The following WWP1 variants were observed in gnomAD, a reference collection of about 807,000 sequenced individuals.
WWP1 encodes NEDD4-like E3 ubiquitin-protein ligase WWP1.
A neutral mutation model predicts 130.6 loss-of-function variants in WWP1; 49 were observed. That is an observed-to-expected ratio of 0.38 (90% CI 0.30 to 0.48). WWP1 has a LOEUF of 0.48. Ranked by LOEUF, WWP1 falls within the 20% of genes least tolerant of loss-of-function variation. The probability of loss-of-function intolerance (pLI) is 0.99; values close to 1 mark genes in which losing one functional copy is unlikely to be tolerated. For synonymous variants in WWP1, 332 were observed against 367.8 expected, an observed-to-expected ratio of 0.90 and a Z score of 1.11; for missense variants, 809 against 1,100.6, an observed-to-expected ratio of 0.74 and a Z score of 3.75.
At chr8:86,434,657 C>T (rs1042133707) in intron 14 of WWP1, among the ~76,000 whole-genome samples, 56 of 151,796 alleles carry the variant, frequency 3.7e-4, no homozygotes, top group Admixed American at 9.8e-4. Flanking sequence ...ATTTTTTTGT[C>T]TTATCTCCTT....
At chr8:86,392,140 CA>C (rs1326578068) in intron 5 of WWP1, among the ~76,000 whole-genome samples, 1 of 152,040 alleles carries the variant, frequency 6.6e-6, no homozygotes, top group East Asian at 1.9e-4. Flanking sequence ...AGTGTGTGTG[CA>C]ATGGTGGTAG....
At chr8:86,450,538 C>G (rs993751884) in intron 20 of WWP1, among the ~76,000 whole-genome samples, 1 of 152,104 alleles carries the variant, frequency 6.6e-6, no homozygotes, top group African/African-American at 2.4e-5. Flanking sequence ...CAAAAACAGT[C>G]TAAATAAAAT....
At chr8:86,398,706 A>G (rs1807810976) in intron 7 of WWP1, 68 bp downstream of exon 7, 1 of 1,538,186 alleles carries the variant, frequency 6.5e-7, no homozygotes, top group Non-Finnish European at 8.9e-7. Context: ...AAGAAGTTTT[A>G]TATTTTACCT....
chr8:86,343,909 T>C (rs1358996850), intron 1 of WWP1, among the ~76,000 whole-genome samples: 2 of 152,186 alleles, frequency 1.3e-5, no homozygotes, highest in Non-Finnish European at 2.9e-5. Context: ...ATTATCTTTG[T>C]TTTCCCCGTT....
At chr8:86,361,856 C>T (rs1022316943) in intron 1 of WWP1, among the ~76,000 whole-genome samples, 3 of 151,668 alleles carry the variant, frequency 2.0e-5, no homozygotes, top group African/African-American at 4.8e-5. Flanking sequence ...AAAATTGAGT[C>T]ACGTGTCTGT....
intron 8 of WWP1, among the ~76,000 whole-genome samples, chr8:86,408,778 C>T (rs770658340): frequency 4.4e-4 from 67 of 151,992 alleles, no homozygotes; most frequent in African/African-American, 1.5e-3. Flanking sequence ...GGTGTGGTGA[C>T]GCATGCCTAT....
chr8:86,366,847 T>G (rs1220371458), intron 1 of WWP1, among the ~76,000 whole-genome samples: 1 of 152,192 alleles, frequency 6.6e-6, no homozygotes, highest in Non-Finnish European at 1.5e-5. Context: ...ATAAATTCAT[T>G]GAAATGACCA....
intron 7 of WWP1, among the ~76,000 whole-genome samples, chr8:86,401,025 T>A (rs1408305974): frequency 4.0e-5 from 6 of 151,798 alleles, no homozygotes; most frequent in Admixed American, 3.3e-4. Context: ...TTTTTTTTTT[T>A]AAACACTGTG....
intron 16 of WWP1, among the ~76,000 whole-genome samples, chr8:86,437,485 G>A (rs1184040592): frequency 6.6e-6 from 1 of 152,152 alleles, no homozygotes; most frequent in Non-Finnish European, 1.5e-5. Context: ...GGTACAGTTT[G>A]GGGAAACCAG....
intron 9 of WWP1, among the ~76,000 whole-genome samples, chr8:86,420,429 G>T (rs571423912): frequency 6.6e-6 from 1 of 152,268 alleles, no homozygotes; most frequent in East Asian, 1.9e-4. Flanking sequence ...CATCTGTGGG[G>T]AGAGTTTACA....
intron 1 of WWP1, among the ~76,000 whole-genome samples, chr8:86,346,682 G>A (rs1322294301): frequency 2.6e-5 from 4 of 152,062 alleles, no homozygotes; most frequent in African/African-American, 7.2e-5. Context: ...AATAAACTTT[G>A]ATTTCATAAT....
intron 8 of WWP1, 139 bp downstream of exon 8, chr8:86,402,342 G>T: frequency 9.0e-7 from 1 of 1,111,576 alleles, no homozygotes; most frequent in East Asian, 2.9e-5. Context: ...CTGGAGTGCA[G>T]TGGTGCGATC....
At chr8:86,418,665 G>A (rs185057755) in intron 9 of WWP1, among the ~76,000 whole-genome samples, 1 of 152,316 alleles carries the variant, frequency 6.6e-6, no homozygotes, top group Non-Finnish European at 1.5e-5. Flanking sequence ...CTTCCCTGCA[G>A]CCAGAACTTC....
chr8:86,368,893 T>A (rs1342912219), intron 1 of WWP1, 46 bp from the exon 2 acceptor site: 1 of 152,184 alleles, frequency 6.6e-6, no homozygotes, highest in Non-Finnish European at 1.5e-5. Context: ...ACCTTTTGCA[T>A]CTATTTTAGG....
rs116912436 is a variant in WWP1, at chr8:86,441,901, G to A, written c.1839-718G>A. 3.9e-3 allele frequency among the ~76,000 whole-genome samples: 599 copies of A among 152,280 alleles called. 2 individuals carry two copies. Among genetic ancestry groups the A allele is most frequent in the Non-Finnish European group, 6.2e-3 (419 of 68,040 alleles). ...TTGCTATTGAAAAGAACCTTTTAGA[G>A]ATTGGGTTTATCTTGTAATACCTTT... On this transcript the variant is annotated intron_variant, in intron 17 of 24. Coordinates refer to ENST00000517970, the MANE Select transcript of WWP1 (RefSeq NM_007013.4).
chr8:86,432,867 C>G (rs527778590), intron 14 of WWP1, among the ~76,000 whole-genome samples: 1 of 152,282 alleles, frequency 6.6e-6, no homozygotes, highest in African/African-American at 2.4e-5. Flanking sequence ...TTTGGCCTCC[C>G]AAAGTGCTGG....
intron 10 of WWP1, among the ~76,000 whole-genome samples, chr8:86,426,675 G>T (rs983503767): frequency 5.9e-5 from 9 of 152,172 alleles, no homozygotes; most frequent in Admixed American, 4.6e-4. Context: ...CCATGCCAGT[G>T]AGCCATCATG....
intron 9 of WWP1, among the ~76,000 whole-genome samples, chr8:86,424,429 G>A (rs1308255902): frequency 2.8e-4 from 42 of 151,294 alleles, no homozygotes; most frequent in African/African-American, 9.2e-4. Context: ...CTGCAATCTC[G>A]GCACTTTGGG....
chr8:86,430,161 A>G (rs906817931), intron 11 of WWP1, among the ~76,000 whole-genome samples: 1 of 152,192 alleles, frequency 6.6e-6, no homozygotes, highest in Non-Finnish European at 1.5e-5. Flanking sequence ...AGATCACGCC[A>G]CTGCACCCCA....
Sources: allele counts gnomAD v4.1 joint callset (sites outside exome capture counted in the v4.1 genomes callset), GRCh38; gene constraint gnomAD v4.1.1; transcripts MANE v1.5; gene names NCBI Gene and HGNC (gene_info 2026-07-23, HGNC 2026-07-21).